The following BBS9 variants were observed in gnomAD, a reference collection of about 807,000 sequenced individuals.
BBS9 encodes protein PTHB1.
A neutral mutation model predicts 117.7 loss-of-function variants in BBS9; 89 were observed. The observed-to-expected ratio is 0.76, with a 90% CI of 0.64 to 0.90. BBS9 has a LOEUF of 0.90. Ranked by LOEUF, BBS9 falls within the 40% of genes least tolerant of loss-of-function variation. The probability of loss-of-function intolerance (pLI) is 0.00; values close to 1 mark genes in which losing one functional copy is unlikely to be tolerated. For synonymous variants in BBS9, 379 were observed against 370.9 expected (o/e 1.02, Z -0.25); for missense variants, 982 against 1,042.2 (o/e 0.94, Z 0.80).
chr7:33,180,184 A>G (rs768663521), intron 5 of BBS9, among the ~76,000 whole-genome samples: 2 of 152,114 alleles, frequency 1.3e-5, no homozygotes. Context: ...AAAATAGCCA[A>G]TCAGAATTAG....
At chr7:33,512,759 G>A (rs1353797125) in intron 20 of BBS9, among the ~76,000 whole-genome samples, 2 of 152,188 alleles carry the variant, frequency 1.3e-5, no homozygotes, top group African/African-American at 2.4e-5. Context: ...CAGCACGCCC[G>A]CTGTGCTGTG....
chr7:33,574,893 T>C (rs1858525073), intron 21 of BBS9, among the ~76,000 whole-genome samples: 1 of 152,108 alleles, frequency 6.6e-6, no homozygotes, highest in African/African-American at 2.4e-5. Context: ...ATTGCTATTT[T>C]TAAATTTAAA....
chr7:33,140,173 C>T (rs1017184957), intron 1 of BBS9, among the ~76,000 whole-genome samples: 10 of 152,066 alleles, frequency 6.6e-5, no homozygotes, highest in South Asian at 2.1e-4. Flanking sequence ...TACAGGCACC[C>T]GCCACCACAC....
At chr7:33,422,545 T>C (rs957915590) in intron 19 of BBS9, among the ~76,000 whole-genome samples, 1 of 152,208 alleles carries the variant, frequency 6.6e-6, no homozygotes, top group Non-Finnish European at 1.5e-5. Flanking sequence ...GCCCAACTTT[T>C]CCTGCTTTCT....
chr7:33,215,389 A>T (rs1173228358), intron 5 of BBS9, among the ~76,000 whole-genome samples: 1 of 152,246 alleles, frequency 6.6e-6, no homozygotes, highest in Non-Finnish European at 1.5e-5. Context: ...AGAATATACA[A>T]TGAGGAAACA....
Position 33,191,564 on chromosome 7 carries a change from G to A in BBS9, c.442+13973G>A, listed in dbSNP as rs562452318. Among the ~76,000 whole-genome samples the A allele has an allele frequency of 5.6e-4, 85 of 152,336 alleles. 1 individual carries two copies. The South Asian group carries it at 0.016, about 28-fold the overall frequency. ...TGGTGATTTGAGAGTGTGCCCTCAGGTGTGTATATGAATTGGAGAAGGCAG... is the reference window on the plus strand; with the variant it reads ...TGGTGATTTGAGAGTGTGCCCTCAGATGTGTATATGAATTGGAGAAGGCAG... On this transcript the variant is annotated intron_variant, in intron 5 of 22. Transcript: ENST00000242067.
intron 5 of BBS9, among the ~76,000 whole-genome samples, chr7:33,245,244 A>T (rs1188094298): frequency 6.6e-6 from 1 of 151,858 alleles, no homozygotes; most frequent in Non-Finnish European, 1.5e-5. Flanking sequence ...TATTTCCTAT[A>T]TTTTTTATAT....
At chr7:33,525,200 G>T (rs1038296708) in intron 20 of BBS9, among the ~76,000 whole-genome samples, 2 of 151,710 alleles carry the variant, frequency 1.3e-5, no homozygotes, top group African/African-American at 4.8e-5. Context: ...GGTGTGGTGT[G>T]GTGCTGAAAA....
chr7:33,201,519 C>T (rs575852786), intron 5 of BBS9, among the ~76,000 whole-genome samples: 10 of 152,170 alleles, frequency 6.6e-5, no homozygotes, highest in Non-Finnish European at 7.4e-5. Flanking sequence ...TTTTACTTCC[C>T]GAGACTTTTC....
chr7:33,220,648 A>G (rs1790071189), intron 5 of BBS9, among the ~76,000 whole-genome samples: 1 of 152,228 alleles, frequency 6.6e-6, no homozygotes, highest in African/African-American at 2.4e-5. Flanking sequence ...TTAGTAAAGA[A>G]ATGAGTTCTA....
intron 5 of BBS9, among the ~76,000 whole-genome samples, chr7:33,212,374 A>C (rs1788186915): frequency 6.6e-6 from 1 of 152,040 alleles, no homozygotes; most frequent in Non-Finnish European, 1.5e-5. Context: ...TTAGTATTTC[A>C]GTTGTATTTT....
chr7:33,485,263 C>G (rs931976541), intron 19 of BBS9, among the ~76,000 whole-genome samples: 1 of 150,520 alleles, frequency 6.6e-6, no homozygotes, highest in African/African-American at 2.4e-5. Flanking sequence ...ACCTATGTAA[C>G]AAATCTGCAC....
intron 9 of BBS9, among the ~76,000 whole-genome samples, chr7:33,326,863 C>A (rs1812962852): frequency 6.6e-6 from 1 of 151,660 alleles, no homozygotes; most frequent in Non-Finnish European, 1.5e-5. Context: ...AGTTACAAGA[C>A]AAAGTACTCT....
chr7:33,464,750 A>G lies in BBS9; in HGVS notation c.2116-40713A>G, dbSNP rs1006609036. On this transcript the variant is annotated intron_variant, in intron 19 of 22. Transcript: ENST00000242067. ...TATCAGTTAATTTTATTATATTCTC[A>G]TGAGTCTATTACATAACTATTATTA... Among the ~76,000 whole-genome samples the G allele has an allele frequency of 5.3e-5, 8 of 151,998 alleles. No homozygotes were observed. In the South Asian group the frequency reaches 6.2e-4, roughly 12 times the overall value.
chr7:33,454,492 T>C (rs1442131551), intron 19 of BBS9, among the ~76,000 whole-genome samples: 2 of 152,244 alleles, frequency 1.3e-5, no homozygotes, highest in African/African-American at 4.8e-5. Flanking sequence ...TATTTCTCTC[T>C]GGCCTGTATT....
At chr7:33,418,052 C>T (rs939382001) in intron 19 of BBS9, among the ~76,000 whole-genome samples, 1 of 152,194 alleles carries the variant, frequency 6.6e-6, no homozygotes, top group Non-Finnish European at 1.5e-5. Context: ...TTGCGTACAG[C>T]ATGCCTAGTA....
intron 21 of BBS9, among the ~76,000 whole-genome samples, chr7:33,596,359 T>TTATCTATCTATCTATC (rs140019958): frequency 0.042 from 6,121 of 144,942 alleles, 209 homozygotes; most frequent in East Asian, 0.11. Flanking sequence ...TGATATATAA[T>TTATCTATCTATCTATC]TATCTATCTA....
chr7:33,269,109 G>A (rs1799319816), intron 7 of BBS9, among the ~76,000 whole-genome samples: 1 of 152,078 alleles, frequency 6.6e-6, no homozygotes, highest in Non-Finnish European at 1.5e-5. Flanking sequence ...TACATATACT[G>A]GCAATATTTG....
At chr7:33,438,608 A>C (rs1172136393) in intron 19 of BBS9, among the ~76,000 whole-genome samples, 1 of 152,234 alleles carries the variant, frequency 6.6e-6, no homozygotes, top group Non-Finnish European at 1.5e-5. Context: ...TCCATTTCAT[A>C]CATATCAAAC....
Sources: gnomAD v4.1 joint callset for allele counts (sites outside exome capture counted in the v4.1 genomes callset) on GRCh38, gnomAD v4.1.1 for gene constraint, MANE v1.5 for transcripts, NCBI Gene and HGNC (gene_info 2026-07-23, HGNC 2026-07-21) for gene names.